The following AHRR variants were observed in gnomAD, a reference collection of about 807,000 sequenced individuals.
AHRR encodes ahR repressor.
A neutral mutation model predicts 44.0 loss-of-function variants in AHRR; 28 were observed. The ratio of observed to expected loss-of-function variants is 0.64; its 90% CI spans 0.47 to 0.87. The LOEUF is 0.87. Ranked by LOEUF, AHRR falls within the 40% of genes least tolerant of loss-of-function variation. The pLI is 0.00. For missense variants in AHRR, 990 were observed against 953.9 expected, an observed-to-expected ratio of 1.04 and a Z score of -0.50; for synonymous variants, 434 against 407.0, an observed-to-expected ratio of 1.07 and a Z score of -0.80.
chr5:355,138 G>C (rs940882075), intron 3 of AHRR, among the ~76,000 whole-genome samples: 1 of 152,236 alleles, frequency 6.6e-6, no homozygotes, highest in African/African-American at 2.4e-5. Context: ...TTCCCAGCCT[G>C]GGCCTCCTGG....
chr5:394,917 G>T (rs1008146938), intron 4 of AHRR, among the ~76,000 whole-genome samples: 6 of 152,048 alleles, frequency 3.9e-5, no homozygotes, highest in African/African-American at 1.4e-4. Context: ...AGGGAGGGTG[G>T]GTGCTGGAGC....
rs919696032 is a variant in AHRR, at chr5:388,847, G to A, written c.351+12131G>A. Among the ~76,000 whole-genome samples, 1 of 152,218 alleles carries A rather than the reference G, an allele frequency of 6.6e-6. No homozygotes were observed. Among genetic ancestry groups the A allele is most frequent in the Non-Finnish European group, 1.5e-5 (1 of 68,030 alleles). The stretch of plus-strand genomic sequence containing the variant: ...AAGCTGGCAGGAGGACAGTGTGGCT[G>A]GGCCAGATGCCTGAGGACACAATGC... On this transcript the variant is annotated intron_variant, in intron 4 of 10. Transcript: ENST00000684583. The surrounding 1 kb of genome is among the most constrained non-coding windows in gnomAD (Gnocchi z 5.2).
rs1173995454 is a variant in AHRR, at chr5:343,837, C to T, written c.-10-56C>T. 13 of 1,541,512 alleles carry T rather than the reference C, an allele frequency of 8.4e-6. No homozygotes were observed. In the South Asian group the frequency reaches 1.1e-4, roughly 12 times the overall value. ...CGCTGAGGGGCCCGGGGCATCGCGG[C>T]GGGAACAGGGCGCACGTGGCGCGTT... On this transcript the variant is annotated intron_variant, in intron 1 of 10. Transcript: ENST00000684583.
rs1364249893 is a variant in AHRR at position 406,245 on chromosome 5, G to A, written c.352-7099G>A. 2.0e-5 allele frequency among the ~76,000 whole-genome samples: 3 copies of A among 152,208 alleles called. No individual in the cohort carries two copies. Among genetic ancestry groups the A allele is most frequent in the African/African-American group, 7.2e-5 (3 of 41,460 alleles). On this transcript the variant is annotated intron_variant, in intron 4 of 10. Transcript: ENST00000684583. This position sits in a 1 kb window ranked among gnomAD's most constrained non-coding sequence, Gnocchi z 4.7. ...CCCCAGCCCCCCTTCCTTCCAGCCA[G>A]TGGCTCTGTGAGCCGCCTCTTGTCT...
intron 8 of AHRR, among the ~76,000 whole-genome samples, chr5:431,187 G>T (rs553672613): frequency 1.3e-5 from 2 of 152,360 alleles, no homozygotes; most frequent in South Asian, 4.1e-4. Context: ...GCCCTGTCCC[G>T]GCCCTGGGGT....
At chr5:345,328 GTGTGGGGA>G (rs1742605414) in intron 2 of AHRR, among the ~76,000 whole-genome samples, 3 of 45,284 alleles carry the variant, frequency 6.6e-5, no homozygotes, top group African/African-American at 3.1e-4. Flanking sequence ...GTGTGTGTGT[GTGTGGGGA>G]TGTGTGTGTG....
chr5:369,537 G>A (rs985692059), intron 3 of AHRR, among the ~76,000 whole-genome samples: 2 of 152,238 alleles, frequency 1.3e-5, no homozygotes, highest in Admixed American at 6.5e-5. Flanking sequence ...ACGAGCCCGG[G>A]CTCCCTCTGT....
rs948458763 is a variant in AHRR at position 411,497 on chromosome 5, T to C, written c.352-1847T>C. On this transcript the variant is annotated intron_variant, in intron 4 of 10. Transcript: ENST00000684583. The surrounding 1 kb of genome is among the most constrained non-coding windows in gnomAD (Gnocchi z 4.2). The stretch of plus-strand genomic sequence containing the variant: ...AAAAGCTCTTAGAAATTGATACTTA[T>C]AAACCCTAATAGAAAAATTAGCACA... Among the ~76,000 whole-genome samples the C allele has an allele frequency of 6.6e-6, 1 of 152,070 alleles. No individual in the cohort carries two copies. Among genetic ancestry groups the C allele is most frequent in the Non-Finnish European group, 1.5e-5 (1 of 68,020 alleles).
chr5:373,656 G>T (rs2126436033), intron 3 of AHRR, among the ~76,000 whole-genome samples: 1 of 152,166 alleles, frequency 6.6e-6, no homozygotes, highest in African/African-American at 2.4e-5. Context: ...GTGGGGGATG[G>T]GGGCTCCCTC....
intron 4 of AHRR, chr5:403,715 T>C: frequency 2.9e-6 from 3 of 1,019,902 alleles, no homozygotes; most frequent in Non-Finnish European, 4.3e-6. Context: ...CAGAGGCATA[T>C]TTTTCCGTAT....
chr5:421,459 C>G (rs1260759101), intron 5 of AHRR: 1 of 525,976 alleles, frequency 1.9e-6, no homozygotes, highest in African/African-American at 2.0e-5. Context: ...GCCCTGTGGC[C>G]TCATCTGGGT....
intron 4 of AHRR, among the ~76,000 whole-genome samples, chr5:398,164 C>CCCTGACCATCCACGTAGCT (rs879731993): frequency 7.7e-6 from 1 of 130,506 alleles, no homozygotes; most frequent in African/African-American, 3.5e-5. Flanking sequence ...TCCACGTAGC[C>CCCTGACCATCCACGTAGCT]CCTGACCATC....
In AHRR at chr5:405,281, C is replaced by T. The variant is rs1160019859; in HGVS notation, c.352-8063C>T. ...ATGAAAATGTACAAATACCATGGTT[C>T]ATGGTAGCTCCTCAGATGCTCCCGT... is the stretch of plus-strand genomic sequence containing the variant. On this transcript the variant is annotated intron_variant, in intron 4 of 10. Transcript: ENST00000684583. This position sits in a 1 kb window ranked among gnomAD's most constrained non-coding sequence, Gnocchi z 4.5. Among the ~76,000 whole-genome samples the T allele has an allele frequency of 6.6e-6, 1 of 152,146 alleles. No homozygotes were observed. The highest frequency in any genetic ancestry group is 2.4e-5 in the African/African-American group (1 of 41,424).
intron 4 of AHRR, among the ~76,000 whole-genome samples, chr5:401,475 C>T (rs956431382): frequency 2.6e-5 from 4 of 152,246 alleles, no homozygotes; most frequent in Non-Finnish European, 5.9e-5. Context: ...CCTCCATTGG[C>T]GCCAGCCCAG....
chr5:418,480 C>T (rs1021627446), intron 5 of AHRR, among the ~76,000 whole-genome samples: 3 of 152,220 alleles, frequency 2.0e-5, no homozygotes, highest in African/African-American at 7.2e-5. Context: ...CACCCTCCTC[C>T]ACATGTGCCA....
At chr5:330,227 T>C (rs1741861472) in intron 1 of AHRR, among the ~76,000 whole-genome samples, 1 of 152,246 alleles carries the variant, frequency 6.6e-6, no homozygotes, top group African/African-American at 2.4e-5. Flanking sequence ...GTTGATCGTA[T>C]GGTTTTTGTC....
rs1734058698 is a variant in AHRR, at chr5:383,380, G to A, written c.351+6664G>A. On this transcript the variant is annotated intron_variant, in intron 4 of 10. Transcript: ENST00000684583. This position sits in a 1 kb window ranked among gnomAD's most constrained non-coding sequence, Gnocchi z 4.0. Reference sequence around the variant, plus strand: ...GTGGATTTTTATATTTCTCTTTTTGGTCCTTTCAGATTTTGCATTATGTAT... The same window carrying A: ...GTGGATTTTTATATTTCTCTTTTTGATCCTTTCAGATTTTGCATTATGTAT... 6.6e-6 allele frequency among the ~76,000 whole-genome samples: 1 copy of A among 151,944 alleles called. No individual in the cohort carries two copies. Among genetic ancestry groups the A allele is most frequent in the African/African-American group, 2.4e-5 (1 of 41,340 alleles).
chr5:344,147 C>T (rs1742477391), intron 2 of AHRR, among the ~76,000 whole-genome samples, 183 bp downstream of exon 2: 1 of 151,334 alleles, frequency 6.6e-6, no homozygotes, highest in Non-Finnish European at 1.5e-5. Context: ...CGCCCCGGTG[C>T]CCGGAGCCCC....
intron 4 of AHRR, among the ~76,000 whole-genome samples, chr5:408,198 C>T (rs1278681407): frequency 6.6e-6 from 1 of 152,230 alleles, no homozygotes; most frequent in Non-Finnish European, 1.5e-5. Flanking sequence ...CCATATTGGG[C>T]GCCATCCTGG....
Sources: allele counts gnomAD v4.1 joint callset (sites outside exome capture counted in the v4.1 genomes callset), GRCh38; gene constraint gnomAD v4.1.1; non-coding constraint Gnocchi (gnomAD v3.1); transcripts MANE v1.5; gene names NCBI Gene and HGNC (gene_info 2026-07-23, HGNC 2026-07-21).